The following GPC6 variants were observed in gnomAD, a reference collection of about 807,000 sequenced individuals.
GPC6 encodes the protein glypican 6.
A neutral mutation model predicts 55.2 loss-of-function variants in GPC6; 14 were observed. The ratio of observed to expected loss-of-function variants is 0.25; its 90% CI spans 0.17 to 0.40. GPC6 has a LOEUF of 0.40. Among genes scored for constraint, GPC6 ranks in the 10% least tolerant of loss-of-function variants. The pLI is 1.00. For synonymous variants in GPC6, 278 were observed against 259.6 expected (o/e 1.07, Z -0.68); for missense variants, 641 against 708.5 (o/e 0.90, Z 1.08).
intron 4 of GPC6, among the ~76,000 whole-genome samples, chr13:94,092,897 T>C (rs1034677115): frequency 6.6e-6 from 1 of 152,158 alleles, no homozygotes; most frequent in Non-Finnish European, 1.5e-5. Context: ...ACATGTTTTA[T>C]ATACCTTTTG....
chr13:94,352,589 G>C (rs893631178), intron 6 of GPC6, among the ~76,000 whole-genome samples: 1 of 151,922 alleles, frequency 6.6e-6, no homozygotes, highest in African/African-American at 2.4e-5. Context: ...GGCTAGTCCA[G>C]AGCTCTTTCC....
intron 1 of GPC6, among the ~76,000 whole-genome samples, chr13:93,339,817 T>C (rs1880178489): frequency 6.6e-6 from 1 of 152,154 alleles, no homozygotes; most frequent in South Asian, 2.1e-4. Flanking sequence ...AGCTCTGCTT[T>C]TTATAACTTA....
intron 1 of GPC6, among the ~76,000 whole-genome samples, chr13:93,381,539 G>A (rs1875168052): frequency 6.6e-6 from 1 of 152,080 alleles, no homozygotes; most frequent in African/African-American, 2.4e-5. Context: ...TGTTTTTATT[G>A]CTTTAGTTAC....
At chr13:94,378,305 T>C (rs1879995131) in intron 6 of GPC6, among the ~76,000 whole-genome samples, 1 of 152,222 alleles carries the variant, frequency 6.6e-6, no homozygotes, top group Non-Finnish European at 1.5e-5. Flanking sequence ...AAACTGATTT[T>C]TTTAAGTCAG....
intron 4 of GPC6, among the ~76,000 whole-genome samples, chr13:94,194,791 G>C (rs1370545016): frequency 6.6e-6 from 1 of 152,024 alleles, no homozygotes; most frequent in Admixed American, 6.6e-5. Context: ...TACTTTAACT[G>C]AACCATTGAG....
chr13:93,428,690 CT>C (rs1173346575), intron 1 of GPC6, among the ~76,000 whole-genome samples: 2 of 152,130 alleles, frequency 1.3e-5, no homozygotes, highest in African/African-American at 4.8e-5. Flanking sequence ...ATTAGATCAT[CT>C]CTTTCCATCT....
chr13:93,397,902 A>G (rs1306720475), intron 1 of GPC6, among the ~76,000 whole-genome samples: 1 of 152,158 alleles, frequency 6.6e-6, no homozygotes. Context: ...CTTAGCACAA[A>G]CTGGCAGCAT....
intron 1 of GPC6, among the ~76,000 whole-genome samples, chr13:93,492,451 A>G (rs144908008): frequency 0.18 from 26,997 of 147,626 alleles, 2,670 homozygotes; most frequent in Middle Eastern, 0.26. Context: ...TGGATAAACA[A>G]TCATGTCGTC....
chr13:94,162,109 G>A (rs987351640), intron 4 of GPC6, among the ~76,000 whole-genome samples: 1 of 152,128 alleles, frequency 6.6e-6, no homozygotes, highest in Non-Finnish European at 1.5e-5. Context: ...ATGAGATTTG[G>A]GTGGGGACAC....
At position 93,386,335 on chromosome 13, in the gene GPC6, C is replaced by T. The variant is rs542203337; in HGVS notation, c.160+158719C>T. Among the ~76,000 whole-genome samples the T allele has an allele frequency of 2.0e-5, 3 of 152,238 alleles. No homozygotes were observed. The South Asian group carries it at 6.2e-4, about 32-fold the overall frequency. On this transcript the variant is annotated intron_variant, in intron 1 of 8. Transcript: ENST00000377047. ...CTTTTTAAAATAATGTTTATTGTTT[C>T]CTACGATGTCTCCCCAGACCGTTCT...
intron 6 of GPC6, among the ~76,000 whole-genome samples, chr13:94,318,478 G>A (rs1876654180): frequency 6.6e-6 from 1 of 152,070 alleles, no homozygotes; most frequent in African/African-American, 2.4e-5. Flanking sequence ...TGTAATAAAA[G>A]TTATTGAATA....
chr13:94,242,208 G>A (rs1236869418), intron 4 of GPC6, among the ~76,000 whole-genome samples: 1 of 151,944 alleles, frequency 6.6e-6, no homozygotes, highest in Admixed American at 6.6e-5. Context: ...TGAGAATGAT[G>A]GTTTCCAGCT....
At chr13:94,351,143 C>T (rs905494897) in intron 6 of GPC6, among the ~76,000 whole-genome samples, 4 of 151,178 alleles carry the variant, frequency 2.6e-5, no homozygotes, top group Non-Finnish European at 5.9e-5. Flanking sequence ...GAAAAGATTC[C>T]TAAATAAAAA....
At chr13:93,892,607 GCATAA>G (rs1464412778) in intron 3 of GPC6, among the ~76,000 whole-genome samples, 11 of 151,938 alleles carry the variant, frequency 7.2e-5, no homozygotes, top group African/African-American at 2.4e-4. Context: ...ATATTTTTTT[GCATAA>G]CATAACATAC....
intron 4 of GPC6, among the ~76,000 whole-genome samples, chr13:94,252,812 G>GA (rs2139039811): frequency 6.6e-6 from 1 of 152,122 alleles, no homozygotes; most frequent in African/African-American, 2.4e-5. Flanking sequence ...GTGATGAGAG[G>GA]AAAAATGCAA....
intron 3 of GPC6, among the ~76,000 whole-genome samples, chr13:93,958,353 T>G (rs900421523): frequency 2.0e-5 from 3 of 152,250 alleles, no homozygotes; most frequent in Non-Finnish European, 4.4e-5. Flanking sequence ...ATTTAAATCT[T>G]TGATCTATCT....
intron 2 of GPC6, among the ~76,000 whole-genome samples, chr13:93,768,179 G>A (rs1274832456): frequency 6.6e-6 from 1 of 152,170 alleles, no homozygotes; most frequent in South Asian, 2.1e-4. Context: ...ACTTGCCTGT[G>A]CCTGGCTGCA....
the GPC6 span, among the ~76,000 whole-genome samples, chr13:93,217,615 C>T: frequency 2.0e-5 from 3 of 152,138 alleles, no homozygotes; most frequent in African/African-American, 7.2e-5. Context: ...CTTGCAAAAG[C>T]AACATATAAG....
chr13:93,402,152 A>C (rs557016329), intron 1 of GPC6, among the ~76,000 whole-genome samples: 8 of 152,242 alleles, frequency 5.3e-5, no homozygotes, highest in African/African-American at 1.9e-4. Flanking sequence ...GGGATTTTTT[A>C]ACAACTTGTG....
Sources: allele counts gnomAD v4.1 joint callset (sites outside exome capture counted in the v4.1 genomes callset), GRCh38; gene constraint gnomAD v4.1.1; transcripts MANE v1.5; gene names NCBI Gene and HGNC (gene_info 2026-07-23, HGNC 2026-07-21).